The following PDE10A variants were observed in gnomAD, a reference collection of about 807,000 sequenced individuals.
The protein encoded by PDE10A is cAMP and cAMP-inhibited cGMP 3',5'-cyclic phosphodiesterase 10A.
PDE10A carries 39 observed loss-of-function variants against 97.7 expected under a neutral mutation model. That is an observed-to-expected ratio of 0.40 (90% CI 0.31 to 0.52). The LOEUF is 0.52. PDE10A is among the 20% of genes least tolerant of loss of function. The pLI, the probability that PDE10A is intolerant of heterozygous loss-of-function variation, is 0.56. For synonymous variants in PDE10A, 371 were observed against 376.8 expected (o/e 0.98, Z 0.18); for missense variants, 731 against 1,047.8 (o/e 0.70, Z 4.17).
At chr6:165,609,505 C>G (rs1346856237) in intron 1 of PDE10A, among the ~76,000 whole-genome samples, 1 of 152,086 alleles carries the variant, frequency 6.6e-6, no homozygotes, top group African/African-American at 2.4e-5. Flanking sequence ...AAGTTCTGGC[C>G]AGGGCAATCA....
At chr6:165,839,778 G>C (rs1448315434) in intron 1 of PDE10A, among the ~76,000 whole-genome samples, 14 of 37,456 alleles carry the variant, frequency 3.7e-4, no homozygotes, top group East Asian at 1.2e-3. Context: ...ATCCCCATCT[G>C]CATCTGTCTC....
At chr6:165,491,340 G>A (rs1780215886) in intron 2 of PDE10A, among the ~76,000 whole-genome samples, 1 of 152,140 alleles carries the variant, frequency 6.6e-6, no homozygotes, top group African/African-American at 2.4e-5. Flanking sequence ...AGGTCATCAA[G>A]ACAGAAAGTC....
intron 1 of PDE10A, among the ~76,000 whole-genome samples, chr6:165,892,755 C>T (rs1781839852): frequency 6.6e-6 from 1 of 152,186 alleles, no homozygotes; most frequent in Non-Finnish European, 1.5e-5. Flanking sequence ...GAGTGTCATG[C>T]CTCACCCTCC....
At chr6:165,577,287 A>ATC (rs1219454782) in intron 1 of PDE10A, among the ~76,000 whole-genome samples, 2 of 152,076 alleles carry the variant, frequency 1.3e-5, no homozygotes, top group Non-Finnish European at 2.9e-5. Flanking sequence ...CTCCTGATCA[A>ATC]TCTTTCTTCA....
At chr6:165,565,963 C>T (rs1784756323) in intron 1 of PDE10A, among the ~76,000 whole-genome samples, 2 of 152,030 alleles carry the variant, frequency 1.3e-5, no homozygotes, top group African/African-American at 4.8e-5. Flanking sequence ...ATGTAAAACA[C>T]AAAATGATAA....
intron 1 of PDE10A, among the ~76,000 whole-genome samples, chr6:165,972,234 T>C (rs1784701155): frequency 6.6e-6 from 1 of 152,012 alleles, no homozygotes; most frequent in African/African-American, 2.4e-5. Flanking sequence ...GTGGGGAACA[T>C]TCTGTTCTGC....
At chr6:165,392,887 A>T in intron 15 of PDE10A, 91 bp from the exon 16 acceptor site, 1 of 1,116,404 alleles carries the variant, frequency 9.0e-7, no homozygotes, top group Middle Eastern at 2.6e-4. Flanking sequence ...ATATGTCTGT[A>T]CCCTTATACA....
chr6:165,912,142 TCTATCTAA>T (rs987671155), intron 1 of PDE10A, among the ~76,000 whole-genome samples: 10 of 152,066 alleles, frequency 6.6e-5, no homozygotes, highest in African/African-American at 2.4e-4. Context: ...TAACCTATTA[TCTATCTAA>T]CTATCTAACT....
chr6:165,798,765 G>A (rs1181816349), intron 1 of PDE10A, among the ~76,000 whole-genome samples: 6 of 152,174 alleles, frequency 3.9e-5, no homozygotes, highest in Non-Finnish European at 7.3e-5. Flanking sequence ...CCAGACTGGA[G>A]TGCAGTGGCA....
intron 3 of PDE10A, among the ~76,000 whole-genome samples, chr6:165,474,034 C>T (rs1220931557): frequency 1.2e-4 from 19 of 152,178 alleles, no homozygotes; most frequent in Non-Finnish European, 7.3e-5. Context: ...ATGATCACAA[C>T]TAGTCAGACG....
chr6:165,693,830 C>A (rs1791373468), intron 1 of PDE10A, among the ~76,000 whole-genome samples: 2 of 152,188 alleles, frequency 1.3e-5, no homozygotes, highest in South Asian at 4.1e-4. Flanking sequence ...TAATCTAACT[C>A]ATTCACGGGG....
intron 3 of PDE10A, among the ~76,000 whole-genome samples, chr6:165,467,285 T>G (rs1778710736): frequency 6.6e-6 from 1 of 152,230 alleles, no homozygotes; most frequent in African/African-American, 2.4e-5. Context: ...GCTAAGATAA[T>G]GGATGAAAGT....
chr6:165,948,812 C>T (rs191917260), intron 1 of PDE10A: 20 of 152,406 alleles, frequency 1.3e-4, no homozygotes, highest in Admixed American at 1.2e-3. Flanking sequence ...AGGGGAGTGA[C>T]TAAGCTGGCC....
At chr6:165,466,422 A>C (rs1778655439) in intron 3 of PDE10A, among the ~76,000 whole-genome samples, 1 of 152,214 alleles carries the variant, frequency 6.6e-6, no homozygotes. Flanking sequence ...TACTTTACCC[A>C]ACAGATGTAT....
Position 165,343,516 on chromosome 6 carries a change from A to T in PDE10A, c.2784-14T>A, listed in dbSNP as rs754832828. ...ATTACACGGTCTCTAGAACACAACA[A>T]TATAAGACTGGTCAGCATAGCATTT... On this transcript the variant is annotated splice_polypyrimidine_tract_variant and intron_variant, in intron 18 of 21. Transcript: ENST00000539869. The T allele has an allele frequency of 6.4e-7, 1 of 1,550,852 alleles. No individual in the cohort carries two copies. Among genetic ancestry groups the T allele is most frequent in the Non-Finnish European group, 8.9e-7 (1 of 1,122,382 alleles).
Position 165,558,375 on chromosome 6 carries a change from G to C in PDE10A, c.866-14807C>G, listed in dbSNP as rs555712576. Among the ~76,000 whole-genome samples the C allele has an allele frequency of 2.0e-5, 3 of 151,728 alleles. No individual in the cohort carries two copies. The South Asian group carries it at 6.2e-4, about 32-fold the overall frequency. ...AAGGACAAAAAACCAAACACCATAT[G>C]TTCTCAATCATAGGTGGGAACTGAA... is the stretch of plus-strand genomic sequence containing the variant. On this transcript the variant is annotated intron_variant, in intron 1 of 21. Coordinates refer to ENST00000539869, the MANE Select transcript of PDE10A (RefSeq NM_001385079.1).
At chr6:165,766,462 T>G (rs1777852346) in intron 1 of PDE10A, among the ~76,000 whole-genome samples, 1 of 152,256 alleles carries the variant, frequency 6.6e-6, no homozygotes, top group African/African-American at 2.4e-5. Flanking sequence ...AGTGCCTAAT[T>G]GAAAACCTCC....
chr6:165,858,224 A>G (rs1194288206), intron 1 of PDE10A, among the ~76,000 whole-genome samples: 1 of 152,204 alleles, frequency 6.6e-6, no homozygotes, highest in Non-Finnish European at 1.5e-5. Flanking sequence ...ACACACATAA[A>G]AAGACTTACA....
intron 1 of PDE10A, among the ~76,000 whole-genome samples, chr6:165,712,161 G>A (rs944265204): frequency 3.9e-5 from 6 of 152,158 alleles, no homozygotes; most frequent in Non-Finnish European, 8.8e-5. Context: ...AGGGTTCTAC[G>A]ATGCTTTCCA....
Sources: allele counts gnomAD v4.1 joint callset (sites outside exome capture counted in the v4.1 genomes callset), GRCh38; gene constraint gnomAD v4.1.1; transcripts MANE v1.5; gene names NCBI Gene and HGNC (gene_info 2026-07-23, HGNC 2026-07-21).